EXOSC10: variants seen among roughly 807,000 people sequenced by gnomAD.
The protein encoded by EXOSC10 is exosome component 10.
Under a neutral mutation model 126.6 loss-of-function variants are expected in EXOSC10, and 94 were observed. That is an observed-to-expected ratio of 0.74 (90% confidence interval 0.63 to 0.88). The LOEUF (loss-of-function observed/expected upper bound fraction) is 0.88. EXOSC10 is among the 40% of genes least tolerant of loss of function. The pLI, the probability that EXOSC10 is intolerant of heterozygous loss-of-function variation, is 0.00. For missense variants in EXOSC10, 1,041 were observed against 1,100.5 expected, an observed-to-expected ratio of 0.95 and a Z score of 0.77; for synonymous variants, 395 against 400.8, an observed-to-expected ratio of 0.99 and a Z score of 0.17.
In EXOSC10 at chr1:11,091,082, T is replaced by C; in HGVS notation, c.575A>G (p.Asp192Gly). 2 of 1,614,200 alleles carry C rather than the reference T, an allele frequency of 1.2e-6. No individual in the cohort carries two copies. The highest frequency in any genetic ancestry group is 1.7e-6 in the Non-Finnish European group (2 of 1,180,018). ...RPQLKFREKIDNSNTPFLPKI... is the reference protein window; with the variant it reads ...RPQLKFREKIGNSNTPFLPKI... ...AGGAAGAAATGGTGTGTTGGAATTG[T>C]CAATCTTCTCTCGAAACTTGAGCTG... The change falls in exon 5 of 25, where the codon GAC (aspartate) becomes GGC (glycine). Residue 192 changes from aspartate (D) to glycine (G), a missense_variant. This residue lies in a region of EXOSC10 where 645 missense variants were observed against 656.3 expected (regional missense o/e 0.98). Transcript: ENST00000376936.
At chr1:11,068,767 G>A (rs1440957876) in intron 22 of EXOSC10, 61 bp from the exon 23 acceptor site, 1 of 1,354,006 alleles carries the variant, frequency 7.4e-7, no homozygotes, top group East Asian at 2.3e-5. Context: ...CACATCACAG[G>A]CTCACAGCGA....
rs368062216 is a variant in EXOSC10, at chr1:11,074,413, A to ATTTTT, written c.1987-92_1987-88dup. 1.2e-3 allele frequency: 917 copies of ATTTTT among 743,080 alleles called. 8 individuals carry two copies. In the African/African-American group the frequency reaches 0.015, roughly 12 times the overall value. The allele number at this position is 743,080 out of a possible 1,614,324, so 46.0% of individuals were successfully genotyped here. On this transcript the variant is annotated intron_variant, in intron 17 of 24. Coordinates refer to ENST00000376936, the MANE Select transcript of EXOSC10 (RefSeq NM_001001998.3). ...AGCAAGAGAGCAACAGTTAACAGTG[A>ATTTTT]TTTTTTTTTTTTTTCTGGAGACAGA... is the stretch of plus-strand genomic sequence containing the variant.
chr1:11,067,507 G>A (rs1325493597), intron 24 of EXOSC10, among the ~76,000 whole-genome samples: 1 of 151,380 alleles, frequency 6.6e-6, no homozygotes, highest in Non-Finnish European at 1.5e-5. Context: ...GGGAGGCTGA[G>A]GTGAGAGACT....
rs1005064951 is a variant in EXOSC10, at chr1:11,090,541, G to A, written c.758+13C>T. The stretch of plus-strand genomic sequence containing the variant: ...TACTCACGGCAGAAAGTCAGACACA[G>A]GCCAACACTTACATGTCTTGCTCAA... On this transcript the variant is annotated intron_variant, in intron 6 of 24. Transcript: ENST00000376936. 2 of 1,605,824 alleles carry A rather than the reference G, an allele frequency of 1.2e-6. No homozygotes were observed. Among genetic ancestry groups the A allele is most frequent in the African/African-American group, 1.3e-5 (1 of 74,766 alleles).
intron 19 of EXOSC10, 57 bp from the exon 20 acceptor site, chr1:11,072,228 GTC>G: frequency 7.4e-7 from 1 of 1,352,860 alleles, no homozygotes; most frequent in Non-Finnish European, 1.0e-6. Flanking sequence ...ACCTAAGTCT[GTC>G]TTACTTTTCA....
intron 14 of EXOSC10, among the ~76,000 whole-genome samples, chr1:11,078,435 T>A (rs1363289920): frequency 6.6e-5 from 10 of 151,876 alleles, no homozygotes; most frequent in African/African-American, 2.2e-4. Context: ...TTTTTTGTAT[T>A]TTTAGTAGAG....
intron 21 of EXOSC10, among the ~76,000 whole-genome samples, chr1:11,069,988 T>G (rs920119823): frequency 5.9e-5 from 9 of 152,082 alleles, no homozygotes; most frequent in Non-Finnish European, 1.2e-4. Flanking sequence ...ATAATTCCAG[T>G]GCTTTGGGCG....
Position 11,086,406 on chromosome 1 carries a change from C to T in EXOSC10, c.1089+1042G>A, listed in dbSNP as rs990347428. On this transcript the variant is annotated intron_variant, in intron 9 of 24. Coordinates refer to ENST00000376936, the MANE Select transcript of EXOSC10 (RefSeq NM_001001998.3). Reference sequence around the variant, plus strand: ...TCTTCTAGATTTTCTAGTTTATTTGCGTAGAGGTGTTTGTAGTAATCTCTG... The same window carrying T: ...TCTTCTAGATTTTCTAGTTTATTTGTGTAGAGGTGTTTGTAGTAATCTCTG... Among the ~76,000 whole-genome samples, 844 of 152,230 alleles carry T rather than the reference C, an allele frequency of 5.5e-3. 6 individuals are homozygous for T. The highest frequency in any genetic ancestry group is 9.0e-3 in the Non-Finnish European group (611 of 68,016).
At chr1:11,092,465 G>A (rs969464003) in intron 3 of EXOSC10, among the ~76,000 whole-genome samples, 1 of 151,004 alleles carries the variant, frequency 6.6e-6, no homozygotes, top group Non-Finnish European at 1.5e-5. Flanking sequence ...TGCCTGCCTC[G>A]ACCTCCCAAA....
At position 11,077,348 on chromosome 1, in the gene EXOSC10, A is replaced by G; in HGVS notation, c.1879+17T>C. The stretch of plus-strand genomic sequence containing the variant: ...TCCCAACCTCTTCGGGACAGTCAGG[A>G]GGGCTCTCGACTTTACCACTGGTTG... On this transcript the variant is annotated intron_variant, in intron 16 of 24. Transcript: ENST00000376936. 13 of 1,604,602 alleles carry G rather than the reference A, an allele frequency of 8.1e-6. No individual in the cohort carries two copies. The highest frequency in any genetic ancestry group is 1.1e-5 in the Non-Finnish European group (13 of 1,172,814).
At chr1:11,068,763 A>G in intron 22 of EXOSC10, 57 bp from the exon 23 acceptor site, 2 of 1,373,738 alleles carry the variant, frequency 1.5e-6, no homozygotes, top group Non-Finnish European at 2.1e-6. Flanking sequence ...ACCACACATC[A>G]CAGGCTCACA....
intron 3 of EXOSC10, among the ~76,000 whole-genome samples, chr1:11,092,264 T>C (rs1640847109): frequency 6.6e-6 from 1 of 152,022 alleles, no homozygotes; most frequent in Admixed American, 6.6e-5. Flanking sequence ...GTTGCCAGGC[T>C]GAAGTGTAAT....
At chr1:11,082,079 C>CAAA (rs113030447) in intron 10 of EXOSC10, among the ~76,000 whole-genome samples, 1 of 116,918 alleles carries the variant, frequency 8.6e-6, no homozygotes, top group African/African-American at 3.1e-5. Flanking sequence ...AACTGCATCT[C>CAAA]AAAAAAAAAA....
intron 19 of EXOSC10, among the ~76,000 whole-genome samples, 196 bp downstream of exon 19, chr1:11,073,738 G>A (rs1570796441): frequency 6.6e-6 from 1 of 151,700 alleles, no homozygotes; most frequent in South Asian, 2.1e-4. Context: ...AAAATTAGCC[G>A]GGCATGACAG....
Position 11,072,170 on chromosome 1 carries a change from A to T in EXOSC10, c.2159T>A (p.Ile720Asn). The change falls in exon 20 of 25, where the codon ATC becomes AAC. Residue 720 changes from isoleucine (I) to asparagine (N), a missense_variant and splice_region_variant. This residue lies in a region of EXOSC10 where 388 missense variants were observed against 415.2 expected (regional missense o/e 0.93). Transcript: ENST00000376936. ...CTGGGCCAGCTTCCAGCGGTTGCTG[A>T]TCTATAATGAAAGCAAATATAACAA... ...KFDPSTKIYE[I>N]SNRWKLAQVQ... 2 of 1,607,968 alleles carry T rather than the reference A, an allele frequency of 1.2e-6. No homozygotes were observed. The highest frequency in any genetic ancestry group is 1.7e-6 in the Non-Finnish European group (2 of 1,176,852).
intron 17 of EXOSC10, among the ~76,000 whole-genome samples, chr1:11,074,749 C>T (rs1025053266): frequency 1.3e-5 from 2 of 152,066 alleles, no homozygotes; most frequent in African/African-American, 4.8e-5. Context: ...ATGGCTAAGG[C>T]TAATTTTTCA....
chr1:11,091,111 T>C lies in EXOSC10; in HGVS notation c.546A>G (p.Arg182=), dbSNP rs765084787. The change falls in exon 5 of 25, where the codon CGA becomes CGG. Residue 182 remains arginine (R), a synonymous_variant. Coordinates refer to ENST00000376936, the MANE Select transcript of EXOSC10 (RefSeq NM_001001998.3). ...TCTTCTCTCGAAACTTGAGCTGAGG[T>C]CGGATGATATTTTTTGCATGAAGCA... ...FRLLHAKNII[R]PQLKFREKID... 3.1e-6 allele frequency: 5 copies of C among 1,614,020 alleles called. No individual in the cohort carries two copies. The African/African-American group carries it at 5.3e-5, about 17-fold the overall frequency.
At chr1:11,089,447 T>TAAA (rs56995108) in intron 6 of EXOSC10, among the ~76,000 whole-genome samples, 1 of 133,872 alleles carries the variant, frequency 7.5e-6, no homozygotes. Context: ...CTGTCTCTAC[T>TAAA]AAAAAAAAAA....
At position 11,068,103 on chromosome 1, in the gene EXOSC10, G is replaced by T; in HGVS notation, c.2551-19C>A. On this transcript the variant is annotated intron_variant, in intron 23 of 24. Coordinates refer to ENST00000376936, the MANE Select transcript of EXOSC10 (RefSeq NM_001001998.3). Reference sequence around the variant, plus strand: ...TGCATTTCTGAAAAGAAAAGAAACCGTTTAAGCTGGGTGGGCACCTTGACC... The same window carrying T: ...TGCATTTCTGAAAAGAAAAGAAACCTTTTAAGCTGGGTGGGCACCTTGACC... The T allele has an allele frequency of 6.2e-7, 1 of 1,610,682 alleles. No individual in the cohort carries two copies. Among genetic ancestry groups the T allele is most frequent in the South Asian group, 1.1e-5 (1 of 90,956 alleles).
Sources: allele counts gnomAD v4.1 joint callset (sites outside exome capture counted in the v4.1 genomes callset), GRCh38; gene constraint gnomAD v4.1.1; regional missense constraint gnomAD v4.1.1; transcripts MANE v1.5; gene names NCBI Gene and HGNC (gene_info 2026-07-23, HGNC 2026-07-21).